Variants in PCM1 observed in about 807,000 individuals in gnomAD.
The protein encoded by PCM1 is pericentriolar material 1 protein.
Under a neutral mutation model 241.9 loss-of-function variants are expected in PCM1, and 157 were observed. That is an observed-to-expected ratio of 0.65 (90% CI 0.57 to 0.74). PCM1 has a LOEUF of 0.74. Among genes scored for constraint, PCM1 ranks in the 30% least tolerant of loss-of-function variants. The pLI is 0.00. For synonymous variants in PCM1, 1,085 were observed against 784.9 expected, an observed-to-expected ratio of 1.38 and a Z score of -6.39; for missense variants, 3,478 against 2,360.1, an observed-to-expected ratio of 1.47 and a Z score of -9.81.
At chr8:17,984,159 A>G (rs770216380) in intron 24 of PCM1, among the ~76,000 whole-genome samples, 1 of 152,140 alleles carries the variant, frequency 6.6e-6, no homozygotes, top group Non-Finnish European at 1.5e-5. Flanking sequence ...ATTTTTAATG[A>G]TACGCAATTT....
intron 32 of PCM1, 30 bp downstream of exon 32, chr8:18,010,698 T>C (rs1199199813): frequency 6.5e-7 from 1 of 1,533,616 alleles, no homozygotes; most frequent in African/African-American, 1.4e-5. Flanking sequence ...TGCCTAAAAA[T>C]ATGGCTGGGC....
chr8:17,944,921 C>G (rs1342642703), intron 6 of PCM1, among the ~76,000 whole-genome samples: 2 of 152,058 alleles, frequency 1.3e-5, no homozygotes, highest in African/African-American at 2.4e-5. Context: ...ATTAGGTTAT[C>G]ACAGTTTTGT....
intron 6 of PCM1, chr8:17,940,096 G>C: frequency 6.3e-7 from 1 of 1,580,514 alleles, no homozygotes; most frequent in South Asian, 1.1e-5. Context: ...TGTGGGATCT[G>C]GTTCTGTAGC....
At chr8:17,984,223 T>C (rs567706501) in intron 24 of PCM1, among the ~76,000 whole-genome samples, 2 of 152,132 alleles carry the variant, frequency 1.3e-5, no homozygotes, top group South Asian at 2.1e-4. Context: ...TAAACAGTTA[T>C]AGCTTTGAAA....
At chr8:17,947,459 T>G in intron 7 of PCM1, 96 bp downstream of exon 7, 1 of 905,220 alleles carries the variant, frequency 1.1e-6, no homozygotes, top group Non-Finnish European at 1.7e-6. Context: ...CAGATCTTGA[T>G]TGTTGTCTAG....
At chr8:17,964,460 A>G in intron 17 of PCM1, 108 bp from the exon 18 acceptor site, 1 of 747,686 alleles carries the variant, frequency 1.3e-6, no homozygotes, top group South Asian at 2.2e-5. Context: ...GAAATTTTAT[A>G]TACAGACATG....
At chr8:17,932,463 A>G (rs2129447758) in intron 2 of PCM1, among the ~76,000 whole-genome samples, 1 of 152,276 alleles carries the variant, frequency 6.6e-6, no homozygotes, top group East Asian at 1.9e-4. Context: ...TTTATATGAA[A>G]GTTAGCAAAT....
rs750098752 is a variant in PCM1 at position 17,963,301 on chromosome 8, C to T, written c.2654+10C>T. The T allele has an allele frequency of 3.4e-5, 53 of 1,560,344 alleles. No homozygotes were observed. Among genetic ancestry groups the T allele is most frequent in the Non-Finnish European group, 4.2e-5 (49 of 1,160,280 alleles). The stretch of plus-strand genomic sequence containing the variant: ...AAAGTAGAACAGAAAAGTAAGAGAG[C>T]TGCATAAATCACTTTTCTAAAAATG... On this transcript the variant is annotated intron_variant, in intron 17 of 38. Coordinates refer to ENST00000325083, the MANE Select transcript of PCM1 (RefSeq NM_006197.4).
At chr8:17,945,852 A>G (rs1349998800) in intron 6 of PCM1, among the ~76,000 whole-genome samples, 1 of 152,196 alleles carries the variant, frequency 6.6e-6, no homozygotes, top group African/African-American at 2.4e-5. Flanking sequence ...TTTGAAATTT[A>G]CATAACCCGA....
chr8:17,994,454 T>C (rs189286777), intron 29 of PCM1, among the ~76,000 whole-genome samples: 29 of 152,340 alleles, frequency 1.9e-4, no homozygotes, highest in Non-Finnish European at 3.7e-4. Flanking sequence ...CTTAGGTTGC[T>C]TCCAAATCTT....
chr8:18,029,594 G>A lies in PCM1; in HGVS notation c.*1932G>A, dbSNP rs530409405. On this transcript the variant is annotated 3_prime_UTR_variant, in exon 39 of 39. Coordinates refer to ENST00000325083, the MANE Select transcript of PCM1 (RefSeq NM_006197.4). ...TATCAAAATTGCTTATTTGACTGGT[G>A]TTACAGCTGCTATTAATCTAAGTCT... 1.0e-4 allele frequency: 21 copies of A among 205,234 alleles called. No individual in the cohort carries two copies. The South Asian group carries it at 3.8e-3, about 37-fold the overall frequency. 12.7% of individuals were successfully genotyped at this position (205,234 alleles called of 1,614,324 possible). A position where few individuals can be genotyped will look rare whatever the true frequency, so the allele number is the denominator to read the frequency against.
Position 18,014,764 on chromosome 8 carries a change from A to C in PCM1, c.5765A>C (p.Lys1922Thr), listed in dbSNP as rs1285718613. The C allele has an allele frequency of 1.2e-5, 19 of 1,611,900 alleles. No individual in the cohort carries two copies. The highest frequency in any genetic ancestry group is 1.4e-5 in the Non-Finnish European group (17 of 1,179,590). ...EPLVPRVKEV[K>T]SAQETPESSL... ...TTAGTGCCTAGAGTCAAAGAAGTTA[A>C]ATCTGCTCAGGAAACTCCTGAAAGC... The change falls in exon 36 of 39, where the codon AAA becomes ACA. Residue 1922 changes from lysine to threonine, a missense_variant. Physicochemically the swap from Lys to Thr is moderately conservative, Grantham distance 78 (BLOSUM62 -1). Coordinates refer to ENST00000325083, the MANE Select transcript of PCM1 (RefSeq NM_006197.4).
chr8:18,020,937 A>C (rs2093698281), intron 36 of PCM1, among the ~76,000 whole-genome samples: 1 of 152,164 alleles, frequency 6.6e-6, no homozygotes, highest in Admixed American at 6.5e-5. Context: ...CCTCACAAGT[A>C]GCTCTTAATA....
intron 36 of PCM1, among the ~76,000 whole-genome samples, chr8:18,018,836 A>ATATG (rs1173739762): frequency 1.6e-5 from 1 of 63,056 alleles, no homozygotes; most frequent in Admixed American, 1.3e-4. Context: ...GTATATATAT[A>ATATG]TATGTGTGTG....
chr8:17,947,003 C>CTA (rs200010843), intron 6 of PCM1, among the ~76,000 whole-genome samples, 183 bp from the exon 7 acceptor site: 5 of 151,760 alleles, frequency 3.3e-5, no homozygotes, highest in Non-Finnish European at 5.9e-5. Context: ...AAGTGGCAGG[C>CTA]TATATATATA....
chr8:17,995,175 C>T (rs2086232358), intron 29 of PCM1, among the ~76,000 whole-genome samples: 1 of 151,368 alleles, frequency 6.6e-6, no homozygotes, highest in African/African-American at 2.5e-5. Context: ...AGATTTATGT[C>T]TTTAATCCAT....
intron 17 of PCM1, 23 bp from the exon 18 acceptor site, chr8:17,964,545 G>C (rs370280970): frequency 6.3e-7 from 1 of 1,589,484 alleles, no homozygotes. Context: ...AATGACATCT[G>C]TTTTATGTCT....
chr8:17,997,216 C>CT (rs1303275291), intron 29 of PCM1, among the ~76,000 whole-genome samples: 2 of 151,782 alleles, frequency 1.3e-5, no homozygotes, highest in African/African-American at 4.8e-5. Context: ...TCATGACACT[C>CT]TCTCCTGACC....
At chr8:17,954,508 A>G (rs922412325) in intron 9 of PCM1, among the ~76,000 whole-genome samples, 3 of 152,118 alleles carry the variant, frequency 2.0e-5, no homozygotes, top group Admixed American at 1.3e-4. Flanking sequence ...TTTTGTATGC[A>G]TAAAGTAGCA....
Sources: allele counts gnomAD v4.1 joint callset (sites outside exome capture counted in the v4.1 genomes callset), GRCh38; gene constraint gnomAD v4.1.1; transcripts MANE v1.5; gene names NCBI Gene and HGNC (gene_info 2026-07-23, HGNC 2026-07-21).